Variants in CNTNAP5 observed in about 807,000 individuals in gnomAD.
CNTNAP5 encodes the protein contactin-associated protein-like 5.
CNTNAP5 carries 72 observed loss-of-function variants against 150.2 expected under a neutral mutation model. That is an observed-to-expected ratio of 0.48 (90% confidence interval 0.40 to 0.58). The LOEUF (loss-of-function observed/expected upper bound fraction) is 0.58, where lower values mean the gene tolerates loss of function less well. Among genes scored for constraint, CNTNAP5 ranks in the 20% least tolerant of loss-of-function variants. The pLI, the probability that CNTNAP5 is intolerant of heterozygous loss-of-function variation, is 0.00. For missense variants in CNTNAP5, 1,636 were observed against 1,626.2 expected, an observed-to-expected ratio of 1.01 and a Z score of -0.10; for synonymous variants, 672 against 619.8, an observed-to-expected ratio of 1.08 and a Z score of -1.25.
intron 1 of CNTNAP5, among the ~76,000 whole-genome samples, chr2:124,046,347 A>G (rs141482818): frequency 7.2e-5 from 11 of 152,240 alleles, no homozygotes; most frequent in African/African-American, 1.4e-4. Flanking sequence ...TTTTTAATAC[A>G]AAGAATACAG....
At chr2:124,783,816 A>T (rs2104623554) in intron 17 of CNTNAP5, among the ~76,000 whole-genome samples, 1 of 152,252 alleles carries the variant, frequency 6.6e-6, no homozygotes, top group East Asian at 1.9e-4. Flanking sequence ...CAGTATTATT[A>T]AATAGTGTAT....
intron 3 of CNTNAP5, among the ~76,000 whole-genome samples, chr2:124,314,437 A>G (rs888422275): frequency 6.6e-6 from 1 of 152,188 alleles, no homozygotes; most frequent in Non-Finnish European, 1.5e-5. Flanking sequence ...AGCAGGCGCA[A>G]CACAGAGTTG....
chr2:124,137,429 A>G (rs571977367), intron 1 of CNTNAP5, among the ~76,000 whole-genome samples: 1 of 152,232 alleles, frequency 6.6e-6, no homozygotes, highest in Non-Finnish European at 1.5e-5. Flanking sequence ...TGTAGAGAAA[A>G]CTTCAGTGAA....
At chr2:124,478,754 C>T (rs1348285354) in intron 7 of CNTNAP5, among the ~76,000 whole-genome samples, 1 of 152,072 alleles carries the variant, frequency 6.6e-6, no homozygotes, top group African/African-American at 2.4e-5. Flanking sequence ...TATTTTTGTC[C>T]TTTTCTAGTG....
chr2:124,107,669 T>C (rs1344586194), intron 1 of CNTNAP5, among the ~76,000 whole-genome samples: 1 of 152,214 alleles, frequency 6.6e-6, no homozygotes, highest in African/African-American at 2.4e-5. Flanking sequence ...AAGTAGACTG[T>C]ATGTTCTTGG....
At chr2:124,491,752 T>C (rs985236030) in intron 7 of CNTNAP5, among the ~76,000 whole-genome samples, 1 of 151,842 alleles carries the variant, frequency 6.6e-6, no homozygotes, top group Non-Finnish European at 1.5e-5. Flanking sequence ...CCAATACTTG[T>C]ACCTTTTTTT....
At chr2:124,809,698 G>A (rs1434774502) in intron 19 of CNTNAP5, among the ~76,000 whole-genome samples, 1 of 151,972 alleles carries the variant, frequency 6.6e-6, no homozygotes, top group East Asian at 1.9e-4. Flanking sequence ...CTAGCAAGTT[G>A]AATAAAAATT....
chr2:124,377,940 A>G (rs1690692745), intron 3 of CNTNAP5, among the ~76,000 whole-genome samples: 1 of 152,064 alleles, frequency 6.6e-6, no homozygotes, highest in Admixed American at 6.6e-5. Context: ...GGCTGAGTCT[A>G]GACAGCCTAC....
intron 3 of CNTNAP5, among the ~76,000 whole-genome samples, chr2:124,284,510 G>T (rs919048427): frequency 2.6e-5 from 4 of 152,032 alleles, no homozygotes; most frequent in African/African-American, 9.7e-5. Context: ...TGCGTGTGGG[G>T]CTTAATTCCT....
At chr2:124,530,956 G>A (rs1380805287) in intron 10 of CNTNAP5, among the ~76,000 whole-genome samples, 2 of 152,058 alleles carry the variant, frequency 1.3e-5, no homozygotes, top group Admixed American at 6.5e-5. Context: ...TCAGGGACTG[G>A]GGGCTTGGGG....
intron 1 of CNTNAP5, among the ~76,000 whole-genome samples, chr2:124,110,717 C>T (rs185649293): frequency 1.3e-5 from 2 of 152,288 alleles, no homozygotes; most frequent in East Asian, 1.9e-4. Flanking sequence ...CCGAGGGCCA[C>T]ACAACCTGTT....
At chr2:124,609,724 AG>A (rs1677337770) in intron 11 of CNTNAP5, 76 bp from the exon 12 acceptor site, 1 of 1,508,522 alleles carries the variant, frequency 6.6e-7, no homozygotes, top group Non-Finnish European at 9.1e-7. Flanking sequence ...AGCAAATCTA[AG>A]TAGGAGTTAC....
intron 10 of CNTNAP5, among the ~76,000 whole-genome samples, chr2:124,553,197 A>T (rs2104919462): frequency 6.6e-6 from 1 of 152,276 alleles, no homozygotes; most frequent in Non-Finnish European, 1.5e-5. Context: ...GTAAAGGGAC[A>T]ATGTGTTCCA....
At chr2:124,074,491 T>TA (rs943818427) in intron 1 of CNTNAP5, among the ~76,000 whole-genome samples, 7 of 152,052 alleles carry the variant, frequency 4.6e-5, no homozygotes, top group South Asian at 2.1e-4. Context: ...CCACAAAAAT[T>TA]AAAAAACCAT....
chr2:124,316,841 A>C (rs1397824434), intron 3 of CNTNAP5, among the ~76,000 whole-genome samples: 1 of 150,908 alleles, frequency 6.6e-6, no homozygotes, highest in African/African-American at 2.4e-5. Flanking sequence ...AAAAGAAAAA[A>C]AAGAAAAGAA....
chr2:124,180,770 G>GCC (rs71394027), intron 1 of CNTNAP5, among the ~76,000 whole-genome samples: 8 of 147,860 alleles, frequency 5.4e-5, no homozygotes, highest in African/African-American at 7.6e-5. Context: ...GGAAATGAAA[G>GCC]CCCCCCCAAT....
At chr2:124,713,470 C>T (rs551272590) in intron 13 of CNTNAP5, among the ~76,000 whole-genome samples, 1 of 151,026 alleles carries the variant, frequency 6.6e-6, no homozygotes, top group Admixed American at 6.6e-5. Context: ...CTCCACCTCT[C>T]CGGTTCAAGT....
intron 13 of CNTNAP5, among the ~76,000 whole-genome samples, chr2:124,678,374 C>T (rs188293973): frequency 9.2e-5 from 14 of 151,838 alleles, no homozygotes; most frequent in African/African-American, 2.4e-4. Context: ...CATTTCAGGA[C>T]GTTCCTGTCT....
intron 8 of CNTNAP5, among the ~76,000 whole-genome samples, chr2:124,511,508 G>T (rs1422852492): frequency 6.6e-6 from 1 of 152,224 alleles, no homozygotes; most frequent in Non-Finnish European, 1.5e-5. Flanking sequence ...GCTCTAATCA[G>T]ATGTAGGACA....
Sources: allele counts gnomAD v4.1 joint callset (sites outside exome capture counted in the v4.1 genomes callset), GRCh38; gene constraint gnomAD v4.1.1; transcripts MANE v1.5; gene names NCBI Gene and HGNC (gene_info 2026-07-23, HGNC 2026-07-21).